SNX9: variants seen among roughly 807,000 people sequenced by gnomAD.
SNX9 encodes sorting nexin-9.
In SNX9, 44 loss-of-function variants were observed where a neutral mutation model predicts 89.4. The observed-to-expected ratio is 0.49, with a 90% CI of 0.39 to 0.63. The LOEUF (loss-of-function observed/expected upper bound fraction) is 0.63. Ranked by LOEUF, SNX9 falls within the 30% of genes least tolerant of loss-of-function variation. The probability of loss-of-function intolerance (pLI) is 0.00; values close to 1 mark genes in which losing one functional copy is unlikely to be tolerated. For missense variants in SNX9, 578 were observed against 736.1 expected, an observed-to-expected ratio of 0.79 and a Z score of 2.49; for synonymous variants, 236 against 247.8, an observed-to-expected ratio of 0.95 and a Z score of 0.45.
At chr6:157,887,482 A>G (rs1312472458) in intron 4 of SNX9, among the ~76,000 whole-genome samples, 1 of 151,346 alleles carries the variant, frequency 6.6e-6, no homozygotes, top group East Asian at 1.9e-4. Flanking sequence ...TCTTCCCCAG[A>G]CTCTGTATCC....
chr6:157,938,601 T>C (rs1233158374), intron 15 of SNX9, 32 bp from the exon 16 acceptor site: 2 of 1,412,012 alleles, frequency 1.4e-6, no homozygotes, highest in Non-Finnish European at 2.0e-6. Context: ...CATTTCAGCT[T>C]TATTCATACT....
At chr6:157,835,573 C>T (rs187361391) in intron 1 of SNX9, among the ~76,000 whole-genome samples, 1 of 151,920 alleles carries the variant, frequency 6.6e-6, no homozygotes, top group Non-Finnish European at 1.5e-5. Flanking sequence ...CGTGTCCCCA[C>T]CCAAATCTCA....
chr6:157,930,018 T>C (rs1234764182), intron 12 of SNX9, among the ~76,000 whole-genome samples: 2 of 152,144 alleles, frequency 1.3e-5, no homozygotes, highest in African/African-American at 4.8e-5. Context: ...TGTGTCATAA[T>C]GGTAGAGTTG....
At position 157,834,162 on chromosome 6, in the gene SNX9, T is replaced by G. The variant is rs999176669; in HGVS notation, c.12+10716T>G. The stretch of plus-strand genomic sequence containing the variant: ...GGTGTCCACTGTGGTTTTTTTTTTT[T>G]TTTTTTTTTTTTTTTTTTTTTTTGA... On this transcript the variant is annotated intron_variant, in intron 1 of 17. Transcript: ENST00000392185. Among the ~76,000 whole-genome samples, 20 of 101,764 alleles carry G rather than the reference T, an allele frequency of 2.0e-4. No individual in the cohort carries two copies. In the South Asian group the frequency reaches 5.4e-3, roughly 28 times the overall value. The allele number at this position is 101,764 out of a possible 152,430, so 66.8% of individuals were successfully genotyped here.
At chr6:157,903,373 A>G (rs3805778) in intron 6 of SNX9, among the ~76,000 whole-genome samples, 6,999 of 152,280 alleles carry the variant, frequency 0.046, 198 homozygotes, top group East Asian at 0.11. Context: ...TGATTAAATG[A>G]GTTCTCTTTT....
intron 1 of SNX9, among the ~76,000 whole-genome samples, chr6:157,840,152 C>T (rs982966728): frequency 2.0e-4 from 15 of 76,852 alleles, no homozygotes; most frequent in Non-Finnish European, 1.1e-4. Context: ...CAGGCTGGTG[C>T]TTGGGGTGTC....
At chr6:157,838,600 G>C (rs1041089574) in intron 1 of SNX9, among the ~76,000 whole-genome samples, 1 of 152,150 alleles carries the variant, frequency 6.6e-6, no homozygotes, top group Non-Finnish European at 1.5e-5. Flanking sequence ...AAGAGCCATA[G>C]TGTGAAAATT....
intron 4 of SNX9, among the ~76,000 whole-genome samples, chr6:157,891,874 T>C (rs1782868947): frequency 6.6e-6 from 1 of 152,116 alleles, no homozygotes; most frequent in African/African-American, 2.4e-5. Context: ...TGTGTGAAGT[T>C]TGAAGCTTCA....
At position 157,941,079 on chromosome 6, in the gene SNX9, T is replaced by A. The variant is rs1583251655; in HGVS notation, c.1740+105T>A. On this transcript the variant is annotated intron_variant, in intron 17 of 17. Transcript: ENST00000392185. ...TCTGTTTGTATTCTTTAATCCTAAG[T>A]AATAAACCAAAGGAGCCTAAATTTT... 5 of 1,009,654 alleles carry A rather than the reference T, an allele frequency of 5.0e-6. No homozygotes were observed. In the East Asian group the frequency reaches 1.3e-4, roughly 25 times the overall value. 62.5% of individuals were successfully genotyped at this position (1,009,654 alleles called of 1,614,324 possible). A position where few individuals can be genotyped will look rare whatever the true frequency, so the allele number is the denominator to read the frequency against.
chr6:157,943,231 A>C lies in SNX9; in HGVS notation c.*393A>C, dbSNP rs1562627694. On this transcript the variant is annotated 3_prime_UTR_variant, in exon 18 of 18. Transcript: ENST00000392185. ...TCTTCCAGTTCTTACCCAGTGTCAGATAATTAATTACTAATTACTTTCTTA... is the reference window on the plus strand; with the variant it reads ...TCTTCCAGTTCTTACCCAGTGTCAGCTAATTAATTACTAATTACTTTCTTA... The C allele has an allele frequency of 6.4e-6, 1 of 157,166 alleles. No homozygotes were observed. The highest frequency in any genetic ancestry group is 1.4e-5 in the Non-Finnish European group (1 of 71,524). The allele number at this position is 157,166 out of a possible 1,614,324, so 9.7% of individuals were successfully genotyped here.
At position 157,938,682 on chromosome 6, in the gene SNX9, A is replaced by G; in HGVS notation, c.1583A>G (p.Lys528Arg). 2.5e-6 allele frequency: 4 copies of G among 1,614,198 alleles called. No homozygotes were observed. Among genetic ancestry groups the G allele is most frequent in the Non-Finnish European group, 3.4e-6 (4 of 1,180,022 alleles). ...AGTGACAAACTAGTTGCAACAAGTA[A>G]AATCACCCTACAAGACAAACAGAAC... ...KESDKLVATS[K>R]ITLQDKQNMV... Residue 528 changes from lysine (K) to arginine (R), a missense_variant, in exon 16 of 18, where the codon AAA becomes AGA. Lys to Arg is a conservative substitution (Grantham distance 26, BLOSUM62 2). Around this residue, in one of 2 missense-constraint regions of SNX9, gnomAD observed 348 missense variants for 491.4 expected, o/e 0.71. Coordinates refer to ENST00000392185, the MANE Select transcript of SNX9 (RefSeq NM_016224.5).
intron 1 of SNX9, among the ~76,000 whole-genome samples, chr6:157,848,593 CT>C (rs1781848310): frequency 6.6e-6 from 1 of 152,068 alleles, no homozygotes; most frequent in South Asian, 2.1e-4. Flanking sequence ...GAAAACTGAA[CT>C]AGTAAGATTG....
intron 2 of SNX9, 60 bp downstream of exon 2, chr6:157,867,693 G>A (rs1008252542): frequency 5.3e-6 from 7 of 1,317,168 alleles, no homozygotes; most frequent in Non-Finnish European, 5.2e-6. Context: ...TAACAAATCC[G>A]GTAAGAGAAC....
chr6:157,907,555 A>G (rs1380152653), intron 7 of SNX9, among the ~76,000 whole-genome samples: 1 of 152,154 alleles, frequency 6.6e-6, no homozygotes, highest in Non-Finnish European at 1.5e-5. Flanking sequence ...AAGTGCTGGG[A>G]TTACAGGTAT....
At chr6:157,843,497 G>A (rs1781742928) in intron 1 of SNX9, among the ~76,000 whole-genome samples, 1 of 152,212 alleles carries the variant, frequency 6.6e-6, no homozygotes, top group African/African-American at 2.4e-5. Flanking sequence ...TGGAAGTAGA[G>A]CATTAGGCCT....
chr6:157,860,167 TA>T (rs1338821199), intron 1 of SNX9, among the ~76,000 whole-genome samples: 1 of 152,220 alleles, frequency 6.6e-6, no homozygotes, highest in Non-Finnish European at 1.5e-5. Flanking sequence ...AAGTGTTTTG[TA>T]TGATACAGCC....
chr6:157,828,766 C>T (rs898602429), intron 1 of SNX9, among the ~76,000 whole-genome samples: 4 of 152,150 alleles, frequency 2.6e-5, no homozygotes, highest in African/African-American at 7.2e-5. Context: ...TGAGACACTA[C>T]GCCTGGCCAC....
chr6:157,869,762 T>C (rs1324422758), intron 2 of SNX9, among the ~76,000 whole-genome samples: 3 of 152,106 alleles, frequency 2.0e-5, no homozygotes, highest in Non-Finnish European at 4.4e-5. Context: ...CCATCAGACC[T>C]CGCCAGCCTT....
Position 157,913,763 on chromosome 6 carries a change from T to A in SNX9, c.949+3738T>A, listed in dbSNP as rs555860927. Reference sequence around the variant, plus strand: ...ATGGAAGCATGCAGTGTATAGTCTTTCGAGTCTGACTGCTTTCATTTAGCA... The same window carrying A: ...ATGGAAGCATGCAGTGTATAGTCTTACGAGTCTGACTGCTTTCATTTAGCA... On this transcript the variant is annotated intron_variant, in intron 9 of 17. Transcript: ENST00000392185. Among the ~76,000 whole-genome samples, 23 of 152,358 alleles carry A rather than the reference T, an allele frequency of 1.5e-4. No homozygotes were observed. The East Asian group carries it at 2.7e-3, about 18-fold the overall frequency.
Sources: allele counts gnomAD v4.1 joint callset (sites outside exome capture counted in the v4.1 genomes callset), GRCh38; gene constraint gnomAD v4.1.1; regional missense constraint gnomAD v4.1.1; transcripts MANE v1.5; gene names NCBI Gene and HGNC (gene_info 2026-07-23, HGNC 2026-07-21).